HDAC2: variants seen among roughly 807,000 people sequenced by gnomAD.
The protein encoded by HDAC2 is YY1-associated factor 1.
HDAC2 carries 5 observed loss-of-function variants against 68.5 expected under a neutral mutation model. The ratio of observed to expected loss-of-function variants is 0.07; its 90% CI spans 0.04 to 0.15. The LOEUF is 0.15. HDAC2 is among the 10% of genes least tolerant of loss of function. The pLI, the probability that HDAC2 is intolerant of heterozygous loss-of-function variation, is 1.00. For missense variants in HDAC2, 291 were observed against 600.8 expected, an observed-to-expected ratio of 0.48 and a Z score of 5.39; for synonymous variants, 182 against 191.3, an observed-to-expected ratio of 0.95 and a Z score of 0.40.
chr6:113,959,808 T>G (rs907948034), intron 2 of HDAC2, 98 bp downstream of exon 2: 1 of 652,232 alleles, frequency 1.5e-6, no homozygotes, highest in African/African-American at 1.8e-5. Flanking sequence ...TTTCATCTGC[T>G]AAATGCCCTC....
chr6:113,943,423 C>A lies in HDAC2; in HGVS notation c.1306G>T (p.Ala436Ser), dbSNP rs995437670. ...TTCTTTGCTCCTTTCTTATGATCAG[C>A]CACATTTCTTCGACCTCCTTCTCCT... Reference protein sequence around the residue: ...DEGEGGRRNVADHKKGAKKAR... With the variant: ...DEGEGGRRNVSDHKKGAKKAR... Residue 436 changes from alanine to serine, a missense_variant, in exon 12 of 14, where the codon GCT becomes TCT. Around this residue, in one of 2 missense-constraint regions of HDAC2, gnomAD observed 137 missense variants for 128.7 expected, o/e 1.06. Coordinates refer to ENST00000519065, the MANE Select transcript of HDAC2 (RefSeq NM_001527.4). The A allele has an allele frequency of 2.5e-6, 4 of 1,610,936 alleles. No individual in the cohort carries two copies. In the African/African-American group the frequency reaches 5.3e-5, roughly 22 times the overall value.
chr6:113,942,185 T>C (rs989953249), intron 12 of HDAC2, among the ~76,000 whole-genome samples: 1 of 151,718 alleles, frequency 6.6e-6, no homozygotes, highest in African/African-American at 2.4e-5. Context: ...CAAGAAAACA[T>C]AGTGAAAATG....
At chr6:113,951,733 C>T (rs954456163) in intron 6 of HDAC2, among the ~76,000 whole-genome samples, 1 of 152,170 alleles carries the variant, frequency 6.6e-6, no homozygotes, top group East Asian at 1.9e-4. Context: ...TCCCAAAGTG[C>T]TGGGATTACA....
In HDAC2 at chr6:113,965,029, A is replaced by C. The variant is rs548028220; in HGVS notation, c.53-5011T>G. On this transcript the variant is annotated intron_variant, in intron 1 of 13. Coordinates refer to ENST00000519065, the MANE Select transcript of HDAC2 (RefSeq NM_001527.4). ...ATTTTATATGGACCAATATGTGTTCAATTCTTGCTTCCAGCCTATATTCCA... is the reference window on the plus strand; with the variant it reads ...ATTTTATATGGACCAATATGTGTTCCATTCTTGCTTCCAGCCTATATTCCA... Among the ~76,000 whole-genome samples the C allele has an allele frequency of 3.3e-5, 5 of 152,328 alleles. No homozygotes were observed. The East Asian group carries it at 9.6e-4, about 29-fold the overall frequency.
intron 8 of HDAC2, chr6:113,947,966 C>T (rs1480700087): frequency 3.3e-5 from 5 of 152,014 alleles, no homozygotes; most frequent in African/African-American, 4.8e-5. Flanking sequence ...TAAAAGTTCA[C>T]GTGGAAAAAA....
chr6:113,951,076 A>G (rs766155477), intron 6 of HDAC2, among the ~76,000 whole-genome samples: 2 of 152,194 alleles, frequency 1.3e-5, no homozygotes, highest in Admixed American at 1.3e-4. Context: ...GAATACAGAA[A>G]AGTTGGTCAG....
At position 113,960,027 on chromosome 6, in the gene HDAC2, G is replaced by T. The variant is rs764124902; in HGVS notation, c.53-9C>A. 2.4e-6 allele frequency: 3 copies of T among 1,272,476 alleles called. No individual in the cohort carries two copies. In the Admixed American group the frequency reaches 5.1e-5, roughly 21 times the overall value. The allele number at this position is 1,272,476 out of a possible 1,614,324, so 78.8% of individuals were successfully genotyped here. A position where few individuals can be genotyped will look rare whatever the true frequency, so the allele number is the denominator to read the frequency against. On this transcript the variant is annotated splice_polypyrimidine_tract_variant and intron_variant, in intron 1 of 13. Coordinates refer to ENST00000519065, the MANE Select transcript of HDAC2 (RefSeq NM_001527.4). Reference sequence around the variant, plus strand: ...ATAATTTCCAATATCACCTAAAATAGAAAAGACACAAACTAAACAATACAG... The same window carrying T: ...ATAATTTCCAATATCACCTAAAATATAAAAGACACAAACTAAACAATACAG...
intron 6 of HDAC2, among the ~76,000 whole-genome samples, chr6:113,952,762 CTT>C (rs1776450186): frequency 6.6e-6 from 1 of 152,088 alleles, no homozygotes; most frequent in African/African-American, 2.4e-5. Context: ...TAGAAATACA[CTT>C]AATGTTAACA....
Position 113,936,410 on chromosome 6 carries a change from C to G in HDAC2, c.*4648G>C, listed in dbSNP as rs551798039. ...AGCCAATAATAACAATATGATAGTT[C>G]TATTTTTTCTGTAATCTACTTAATG... On this transcript the variant is annotated 3_prime_UTR_variant, in exon 14 of 14. Coordinates refer to ENST00000519065, the MANE Select transcript of HDAC2 (RefSeq NM_001527.4). 6.6e-6 allele frequency: 1 copy of G among 152,208 alleles called. No individual in the cohort carries two copies. The highest frequency in any genetic ancestry group is 2.1e-4 in the South Asian group (1 of 4,826). 9.4% of individuals were successfully genotyped at this position (152,208 alleles called of 1,614,324 possible).
chr6:113,941,663 A>G (rs1414475996), intron 13 of HDAC2, 45 bp downstream of exon 13: 2 of 743,940 alleles, frequency 2.7e-6, no homozygotes, highest in South Asian at 4.3e-5. Context: ...CATGTTTAGT[A>G]TTTTTATAGT....
chr6:113,949,707 A>G lies in HDAC2; in HGVS notation c.640-447T>C, dbSNP rs569786162. 8.5e-5 allele frequency among the ~76,000 whole-genome samples: 13 copies of G among 152,254 alleles called. No individual in the cohort carries two copies. In the South Asian group the frequency reaches 2.5e-3, roughly 29 times the overall value. ...TTCTTGTGGTTCACAATCTGTTGGT[A>G]TGAGTTTACTTATGATGAAAGAACG... On this transcript the variant is annotated intron_variant, in intron 6 of 13. Transcript: ENST00000519065.
intron 2 of HDAC2, 55 bp from the exon 3 acceptor site, chr6:113,958,821 T>A: frequency 3.0e-6 from 3 of 990,136 alleles, no homozygotes; most frequent in Non-Finnish European, 4.8e-6. Context: ...TATATCAGTA[T>A]TATCAAACAA....
intron 9 of HDAC2, among the ~76,000 whole-genome samples, chr6:113,945,715 A>T (rs1776250109): frequency 6.6e-6 from 1 of 152,202 alleles, no homozygotes; most frequent in Non-Finnish European, 1.5e-5. Flanking sequence ...TTTTTGTACC[A>T]ACTTCAATGT....
Position 113,960,301 on chromosome 6 carries a change from T to C in HDAC2, c.53-283A>G, listed in dbSNP as rs540399124. 2.6e-5 allele frequency among the ~76,000 whole-genome samples: 4 copies of C among 152,198 alleles called. No homozygotes were observed. In the South Asian group the frequency reaches 8.3e-4, roughly 32 times the overall value. ...TTAGCTACCCCCAATTTTTAAAATT[T>C]CTGTTCCTTGAAATGATGCCTGCTT... On this transcript the variant is annotated intron_variant, in intron 1 of 13. Coordinates refer to ENST00000519065, the MANE Select transcript of HDAC2 (RefSeq NM_001527.4).
chr6:113,948,816 A>G (rs925871037), intron 8 of HDAC2, 163 bp downstream of exon 8: 6 of 628,908 alleles, frequency 9.5e-6, no homozygotes, highest in Non-Finnish European at 1.6e-5. Flanking sequence ...TAATGAAACA[A>G]GAATAACTCT....
Position 113,968,891 on chromosome 6 carries a change from G to A in HDAC2, c.52+1966C>T, listed in dbSNP as rs1460954127. 2.6e-5 allele frequency among the ~76,000 whole-genome samples: 4 copies of A among 152,170 alleles called. No homozygotes were observed. The South Asian group carries it at 6.2e-4, about 24-fold the overall frequency. Reference sequence around the variant, plus strand: ...ACCCTCCTGGTTCTAGGGTTCCATTGTGGTGACAACAAATTACAAGCAGCT... The same window carrying A: ...ACCCTCCTGGTTCTAGGGTTCCATTATGGTGACAACAAATTACAAGCAGCT... On this transcript the variant is annotated intron_variant, in intron 1 of 13. Transcript: ENST00000519065.
chr6:113,968,618 A>T (rs1776885750), intron 1 of HDAC2: 1 of 152,240 alleles, frequency 6.6e-6, no homozygotes. Context: ...CACAGACAAA[A>T]GACAAAATAA....
chr6:113,940,886 A>C lies in HDAC2; in HGVS notation c.*172T>G. 6.1e-6 allele frequency: 3 copies of C among 489,470 alleles called. No homozygotes were observed. Among genetic ancestry groups the C allele is most frequent in the Non-Finnish European group, 1.1e-5 (3 of 279,590 alleles). The allele number at this position is 489,470 out of a possible 1,614,324, so 30.3% of individuals were successfully genotyped here. Reference sequence around the variant, plus strand: ...AAAGAAATTTTGCTTCATAATTAGAAAAACTCACAATAAAACTTGCCAAGA... The same window carrying C: ...AAAGAAATTTTGCTTCATAATTAGACAAACTCACAATAAAACTTGCCAAGA... On this transcript the variant is annotated 3_prime_UTR_variant, in exon 14 of 14. Coordinates refer to ENST00000519065, the MANE Select transcript of HDAC2 (RefSeq NM_001527.4).
intron 8 of HDAC2, chr6:113,946,402 C>T: frequency 3.5e-6 from 1 of 289,614 alleles, no homozygotes; most frequent in Non-Finnish European, 6.4e-6. Flanking sequence ...GTCAAGTACA[C>T]AACTATATTA....
Sources: gnomAD v4.1 joint callset for allele counts (sites outside exome capture counted in the v4.1 genomes callset) on GRCh38, gnomAD v4.1.1 for gene constraint, gnomAD v4.1.1 regional missense constraint, MANE v1.5 for transcripts, NCBI Gene and HGNC (gene_info 2026-07-23, HGNC 2026-07-21) for gene names.